GJB7: variants seen among roughly 807,000 people sequenced by gnomAD.
The protein encoded by GJB7 is gap junction protein beta 7, also known as gap junction beta-7 protein.
For synonymous variants in GJB7, 87 were observed against 95.2 expected, an observed-to-expected ratio of 0.91 and a Z score of 0.50; for missense variants, 253 against 256.8, an observed-to-expected ratio of 0.99 and a Z score of 0.10.
chr6:87,314,282 G>A (rs890228828), intron 2 of GJB7, among the ~76,000 whole-genome samples: 1 of 152,138 alleles, frequency 6.6e-6, no homozygotes, highest in African/African-American at 2.4e-5. Context: ...ACCCAAGGGT[G>A]TGGCTAGTTA....
chr6:87,308,030 G>A (rs1194744157), intron 2 of GJB7, among the ~76,000 whole-genome samples: 1 of 152,136 alleles, frequency 6.6e-6, no homozygotes. Context: ...TATACACTAT[G>A]GAATACTATG....
intron 2 of GJB7, among the ~76,000 whole-genome samples, chr6:87,314,567 T>G (rs1582567041): frequency 6.6e-6 from 1 of 152,212 alleles, no homozygotes; most frequent in South Asian, 2.1e-4. Flanking sequence ...ATAGAGGCTG[T>G]AGGCCCATCC....
intron 2 of GJB7, among the ~76,000 whole-genome samples, chr6:87,293,034 T>G (rs1776201991): frequency 6.6e-6 from 1 of 152,236 alleles, no homozygotes; most frequent in Non-Finnish European, 1.5e-5. Flanking sequence ...TATTTTATTT[T>G]TTATTTTTTA....
intron 2 of GJB7, among the ~76,000 whole-genome samples, chr6:87,304,121 G>A (rs1250925723): frequency 1.3e-5 from 2 of 151,964 alleles, no homozygotes; most frequent in Non-Finnish European, 2.9e-5. Flanking sequence ...AAGAACTAGA[G>A]AAGCAAGAGC....
intron 2 of GJB7, among the ~76,000 whole-genome samples, chr6:87,297,935 A>T (rs1032834491): frequency 6.6e-6 from 1 of 152,230 alleles, no homozygotes; most frequent in African/African-American, 2.4e-5. Context: ...TCCTCCAGAG[A>T]AGGGCTTGTC....
intron 2 of GJB7, among the ~76,000 whole-genome samples, chr6:87,308,967 T>C (rs1462611155): frequency 2.0e-5 from 3 of 152,190 alleles, no homozygotes; most frequent in Non-Finnish European, 2.9e-5. Flanking sequence ...CATCTCCTTT[T>C]CCTGACAAAA....
chr6:87,316,709 C>T (rs1156342474), intron 2 of GJB7, among the ~76,000 whole-genome samples: 12 of 152,178 alleles, frequency 7.9e-5, no homozygotes, highest in African/African-American at 2.4e-4. Context: ...CTTCTCAAAC[C>T]CTTTTGTGGT....
At chr6:87,325,285 C>G (rs1725297513) in intron 1 of GJB7, among the ~76,000 whole-genome samples, 1 of 146,684 alleles carries the variant, frequency 6.8e-6, no homozygotes, top group African/African-American at 2.6e-5. Context: ...TTGCCCTGGC[C>G]AGAACTTCCA....
chr6:87,323,503 C>T (rs1321791944), intron 1 of GJB7, among the ~76,000 whole-genome samples: 2 of 147,852 alleles, frequency 1.4e-5, no homozygotes, highest in Non-Finnish European at 3.0e-5. Flanking sequence ...CAATTCCCAC[C>T]TATGAGTGAG....
chr6:87,294,931 C>T (rs569057056), intron 2 of GJB7, among the ~76,000 whole-genome samples: 1 of 152,300 alleles, frequency 6.6e-6, no homozygotes, highest in African/African-American at 2.4e-5. Flanking sequence ...TACTTAACTT[C>T]GTAGCCTTGC....
At chr6:87,289,230 C>T (rs1190659043) in intron 2 of GJB7, among the ~76,000 whole-genome samples, 1 of 152,194 alleles carries the variant, frequency 6.6e-6, no homozygotes, top group African/African-American at 2.4e-5. Flanking sequence ...CCTGACCCCA[C>T]TAATCTAAAT....
chr6:87,303,323 T>G (rs984654085), intron 2 of GJB7, among the ~76,000 whole-genome samples: 3 of 151,956 alleles, frequency 2.0e-5, no homozygotes, highest in Admixed American at 1.3e-4. Context: ...AATAAAGGGA[T>G]GGAGGAAGAT....
intron 2 of GJB7, among the ~76,000 whole-genome samples, chr6:87,305,427 T>A (rs1426550797): frequency 6.6e-6 from 1 of 152,162 alleles, no homozygotes; most frequent in Non-Finnish European, 1.5e-5. Flanking sequence ...CCATTCACAA[T>A]TGCCTCAAAG....
At chr6:87,323,748 T>A (rs1053582678) in intron 1 of GJB7, among the ~76,000 whole-genome samples, 1 of 152,122 alleles carries the variant, frequency 6.6e-6, no homozygotes, top group African/African-American at 2.4e-5. Context: ...TGTGCTTGTG[T>A]CTTTACAGCA....
chr6:87,328,018 C>G (rs1776877176), intron 1 of GJB7, among the ~76,000 whole-genome samples: 1 of 152,072 alleles, frequency 6.6e-6, no homozygotes. Flanking sequence ...TCTTCCATCA[C>G]TGATACCCTT....
chr6:87,307,461 T>G (rs561655790), intron 2 of GJB7, among the ~76,000 whole-genome samples: 61 of 152,206 alleles, frequency 4.0e-4, no homozygotes, highest in African/African-American at 1.3e-3. Context: ...GGAGACAATT[T>G]TTGCAATCTA....
intron 2 of GJB7, chr6:87,299,571 T>C: frequency 4.1e-6 from 1 of 241,134 alleles, no homozygotes; most frequent in South Asian, 5.5e-5. Flanking sequence ...TGGTCATAAT[T>C]GCTGAAGATA....
chr6:87,303,331 G>T (rs182403989), intron 2 of GJB7, among the ~76,000 whole-genome samples: 15 of 152,180 alleles, frequency 9.9e-5, no homozygotes, highest in African/African-American at 3.6e-4. Context: ...GATGGAGGAA[G>T]ATCTACCAAG....
intron 2 of GJB7, among the ~76,000 whole-genome samples, chr6:87,288,815 C>T (rs1776112316): frequency 6.6e-6 from 1 of 152,214 alleles, no homozygotes; most frequent in African/African-American, 2.4e-5. Flanking sequence ...TCACTCTTTT[C>T]ATCTGCGCTT....
Sources: gnomAD v4.1 joint callset for allele counts (sites outside exome capture counted in the v4.1 genomes callset) on GRCh38, gnomAD v4.1.1 for gene constraint, MANE v1.5 for transcripts, NCBI Gene and HGNC (gene_info 2026-07-23, HGNC 2026-07-21) for gene names.